Variants in EXOC6B observed in about 807,000 individuals in gnomAD.
EXOC6B encodes SEC15 homolog B.
A neutral mutation model predicts 113.5 loss-of-function variants in EXOC6B; 54 were observed. That is an observed-to-expected ratio of 0.48 (90% CI 0.38 to 0.60). The LOEUF (loss-of-function observed/expected upper bound fraction) is 0.60. Among genes scored for constraint, EXOC6B ranks in the 20% least tolerant of loss-of-function variants. The pLI is 0.00. For synonymous variants in EXOC6B, 357 were observed against 339.0 expected, an observed-to-expected ratio of 1.05 and a Z score of -0.58; for missense variants, 797 against 977.5, an observed-to-expected ratio of 0.82 and a Z score of 2.46.
At chr2:72,519,627 C>A (rs1386226268) in intron 8 of EXOC6B, among the ~76,000 whole-genome samples, 1 of 152,136 alleles carries the variant, frequency 6.6e-6, no homozygotes. Flanking sequence ...ACCTGTATTT[C>A]TCCTAAAAGC....
intron 18 of EXOC6B, among the ~76,000 whole-genome samples, chr2:72,428,605 T>A (rs574916670): frequency 6.6e-6 from 1 of 152,052 alleles, no homozygotes; most frequent in African/African-American, 2.4e-5. Flanking sequence ...GGGATCCAGA[T>A]CAGTAGCATG....
intron 6 of EXOC6B, among the ~76,000 whole-genome samples, chr2:72,698,097 A>T (rs923135955): frequency 6.6e-6 from 1 of 152,162 alleles, no homozygotes; most frequent in Non-Finnish European, 1.5e-5. Context: ...TGAAAGGAGA[A>T]CCTTGGGCAT....
chr2:72,808,352 C>CA (rs1685695182), intron 1 of EXOC6B, among the ~76,000 whole-genome samples: 1 of 152,086 alleles, frequency 6.6e-6, no homozygotes, highest in East Asian at 1.9e-4. Context: ...TAAAGAAAGA[C>CA]AAAGTTTCAT....
intron 18 of EXOC6B, among the ~76,000 whole-genome samples, chr2:72,422,755 ACT>A (rs1407267823): frequency 2.0e-5 from 3 of 152,076 alleles, no homozygotes; most frequent in Non-Finnish European, 4.4e-5. Flanking sequence ...ACCAATCGAC[ACT>A]CTGTATCTAG....
chr2:72,517,850 C>T (rs528091244), intron 8 of EXOC6B, among the ~76,000 whole-genome samples: 1 of 152,040 alleles, frequency 6.6e-6, no homozygotes, highest in Non-Finnish European at 1.5e-5. Context: ...TATATAAAAA[C>T]CAAATCATGA....
At chr2:72,432,044 C>CT (rs541079569) in intron 18 of EXOC6B, among the ~76,000 whole-genome samples, 18 of 149,874 alleles carry the variant, frequency 1.2e-4, no homozygotes, top group Non-Finnish European at 1.9e-4. Flanking sequence ...TTTCTTTTTT[C>CT]TTTTTTTTTC....
intron 6 of EXOC6B, among the ~76,000 whole-genome samples, chr2:72,655,374 T>C (rs1674502277): frequency 6.6e-6 from 1 of 151,602 alleles, no homozygotes; most frequent in Non-Finnish European, 1.5e-5. Flanking sequence ...AAAAGAAAAA[T>C]CAGGCAGACA....
chr2:72,306,904 G>T (rs1686895076), intron 20 of EXOC6B, among the ~76,000 whole-genome samples: 1 of 152,104 alleles, frequency 6.6e-6, no homozygotes, highest in Non-Finnish European at 1.5e-5. Flanking sequence ...ATTTGTATCT[G>T]TGTTCATAAG....
At chr2:72,352,172 A>G (rs1314264212) in intron 19 of EXOC6B, among the ~76,000 whole-genome samples, 3 of 152,200 alleles carry the variant, frequency 2.0e-5, no homozygotes, top group Non-Finnish European at 4.4e-5. Context: ...ACAAATTCAT[A>G]GCTATTAGTG....
At chr2:72,804,040 C>T (rs1685445986) in intron 1 of EXOC6B, among the ~76,000 whole-genome samples, 1 of 152,156 alleles carries the variant, frequency 6.6e-6, no homozygotes, top group Non-Finnish European at 1.5e-5. Context: ...ATGTATATCA[C>T]CTAAAGCTTC....
intron 19 of EXOC6B, among the ~76,000 whole-genome samples, chr2:72,347,441 A>C (rs1417504690): frequency 6.6e-6 from 1 of 152,140 alleles, no homozygotes; most frequent in Non-Finnish European, 1.5e-5. Flanking sequence ...GGCTATCTGA[A>C]ATTTTACATT....
At chr2:72,179,837 T>C (rs1180951530) in intron 21 of EXOC6B, among the ~76,000 whole-genome samples, 1 of 152,208 alleles carries the variant, frequency 6.6e-6, no homozygotes, top group Non-Finnish European at 1.5e-5. Flanking sequence ...TAGGATCCAC[T>C]CATTACCTCA....
chr2:72,464,672 A>C (rs1007384849), intron 18 of EXOC6B: 1 of 155,642 alleles, frequency 6.4e-6, no homozygotes, highest in Admixed American at 6.3e-5. Flanking sequence ...ATATGTATGT[A>C]TAATATATAT....
At chr2:72,651,090 T>C (rs947537967) in intron 6 of EXOC6B, among the ~76,000 whole-genome samples, 1 of 152,182 alleles carries the variant, frequency 6.6e-6, no homozygotes, top group African/African-American at 2.4e-5. Flanking sequence ...AAAGACAGCC[T>C]AATCTGAGCG....
Position 72,379,727 on chromosome 2 carries a change from A to G in EXOC6B, c.2122+2T>C. 1 of 1,609,538 alleles carries G rather than the reference A, an allele frequency of 6.2e-7. No individual in the cohort carries two copies. On this transcript the variant is annotated splice_donor_variant, in intron 19 of 21. Transcript: ENST00000272427. LOFTEE classifies it high-confidence loss of function. Reference sequence around the variant, plus strand: ...CAAGCACAGGGATGGTCACTGTCTTACGTTCACATTCTCTGACGTCCAAGT... The same window carrying G: ...CAAGCACAGGGATGGTCACTGTCTTGCGTTCACATTCTCTGACGTCCAAGT...
At chr2:72,794,411 C>A (rs1684836370) in intron 1 of EXOC6B, among the ~76,000 whole-genome samples, 1 of 152,014 alleles carries the variant, frequency 6.6e-6, no homozygotes, top group African/African-American at 2.4e-5. Context: ...CAAAAGTAAT[C>A]CTGAGATTTG....
chr2:72,351,041 A>G (rs1689626739), intron 19 of EXOC6B, among the ~76,000 whole-genome samples: 1 of 152,080 alleles, frequency 6.6e-6, no homozygotes, highest in Non-Finnish European at 1.5e-5. Flanking sequence ...CCTTGTTTCC[A>G]TCCATTGACG....
intron 6 of EXOC6B, among the ~76,000 whole-genome samples, chr2:72,650,948 C>T (rs985557245): frequency 4.6e-5 from 7 of 151,670 alleles, no homozygotes; most frequent in Non-Finnish European, 8.8e-5. Flanking sequence ...GATCACACCA[C>T]TGCACTCCAG....
intron 18 of EXOC6B, among the ~76,000 whole-genome samples, chr2:72,382,331 C>T (rs1691731806): frequency 6.6e-6 from 1 of 152,130 alleles, no homozygotes; most frequent in South Asian, 2.1e-4. Context: ...TGTCGAAGAT[C>T]AGATGGTCGT....
Sources: gnomAD v4.1 joint callset for allele counts (sites outside exome capture counted in the v4.1 genomes callset) on GRCh38, gnomAD v4.1.1 for gene constraint, MANE v1.5 for transcripts, NCBI Gene and HGNC (gene_info 2026-07-23, HGNC 2026-07-21) for gene names.